SF3B3: variants seen among roughly 807,000 people sequenced by gnomAD.
The protein encoded by SF3B3 is SAP 130.
Under a neutral mutation model 139.2 loss-of-function variants are expected in SF3B3, and 33 were observed. The observed-to-expected ratio is 0.24, with a 90% CI of 0.18 to 0.32. SF3B3 has a LOEUF of 0.32. SF3B3 is among the 10% of genes least tolerant of loss of function. The pLI, the probability that SF3B3 is intolerant of heterozygous loss-of-function variation, is 1.00. For missense variants in SF3B3, 818 were observed against 1,509.4 expected (o/e 0.54, Z 7.59); for synonymous variants, 596 against 563.6 (o/e 1.06, Z -0.81).
At chr16:70,554,965 T>C in intron 12 of SF3B3, 86 bp from the exon 13 acceptor site, 2 of 1,342,278 alleles carry the variant, frequency 1.5e-6, no homozygotes, top group Non-Finnish European at 2.1e-6. Flanking sequence ...GGTCTGATTT[T>C]AGTGACAGAT....
intron 11 of SF3B3, 106 bp from the exon 12 acceptor site, chr16:70,554,340 A>G: frequency 9.4e-7 from 1 of 1,065,840 alleles, no homozygotes; most frequent in African/African-American, 1.6e-5. Context: ...AACTACACAT[A>G]GAAGAACTGC....
intron 2 of SF3B3, chr16:70,526,990 A>G (rs541741055): frequency 3.5e-5 from 19 of 541,106 alleles, no homozygotes; most frequent in South Asian, 2.6e-4. Flanking sequence ...TCGTGTGCCT[A>G]TTGCTGTAAG....
chr16:70,532,274 G>A (rs1321865595), intron 4 of SF3B3, among the ~76,000 whole-genome samples: 6 of 143,764 alleles, frequency 4.2e-5, no homozygotes, highest in South Asian at 2.2e-4. Context: ...CCTGGGCAAC[G>A]AGCAAAACTC....
chr16:70,528,470 T>G (rs9939548), intron 2 of SF3B3, among the ~76,000 whole-genome samples: 5 of 120,552 alleles, frequency 4.1e-5, no homozygotes, highest in African/African-American at 3.3e-4. Context: ...TGGCCTTTTT[T>G]TTTTTTTTTT....
chr16:70,549,525 C>T (rs2050301344), intron 11 of SF3B3, among the ~76,000 whole-genome samples: 1 of 152,132 alleles, frequency 6.6e-6, no homozygotes, highest in South Asian at 2.1e-4. Context: ...ATATTCATGG[C>T]CCTTGAAAGC....
At chr16:70,556,411 C>A (rs1279956944) in intron 14 of SF3B3, 77 bp downstream of exon 14, 2 of 1,504,648 alleles carry the variant, frequency 1.3e-6, no homozygotes, top group African/African-American at 1.4e-5. Context: ...TCTCTGAGAT[C>A]CACTCCTGAT....
intron 8 of SF3B3, among the ~76,000 whole-genome samples, chr16:70,541,088 A>G (rs1025838255): frequency 2.0e-5 from 3 of 152,230 alleles, no homozygotes; most frequent in African/African-American, 7.2e-5. Flanking sequence ...CAGTTTCTCC[A>G]CATCCTTGCC....
At chr16:70,560,882 C>A (rs1271470105) in intron 16 of SF3B3, among the ~76,000 whole-genome samples, 1 of 152,188 alleles carries the variant, frequency 6.6e-6, no homozygotes, top group East Asian at 1.9e-4. Context: ...CATGAGAATT[C>A]TCAGGTTTTA....
intron 3 of SF3B3, among the ~76,000 whole-genome samples, chr16:70,530,131 T>TAAATAA (rs761371738): frequency 4.6e-5 from 1 of 21,924 alleles, no homozygotes; most frequent in African/African-American, 7.4e-5. Flanking sequence ...ATCTCAAAAA[T>TAAATAA]AAATAAATAA....
Position 70,560,610 on chromosome 16 carries a change from G to A in SF3B3, c.2133+19G>A, listed in dbSNP as rs761315207. On this transcript the variant is annotated intron_variant, in intron 16 of 25. Transcript: ENST00000302516. ...GGAGGCAGTAAGTAATGAAGGTTGG[G>A]GACAGGCAACATCTTTGGGATTTTA... The A allele has an allele frequency of 6.2e-7, 1 of 1,611,628 alleles. No individual in the cohort carries two copies. Among genetic ancestry groups the A allele is most frequent in the African/African-American group, 1.3e-5 (1 of 74,862 alleles).
intron 11 of SF3B3, chr16:70,550,716 T>G: frequency 1.0e-6 from 1 of 973,574 alleles, no homozygotes. Context: ...TGGGGTCTTA[T>G]AGTTTATCCA....
intron 16 of SF3B3, 78 bp downstream of exon 16, chr16:70,560,669 C>A: frequency 6.6e-7 from 1 of 1,512,132 alleles, no homozygotes; most frequent in Non-Finnish European, 9.1e-7. Flanking sequence ...TTGCTGTAAG[C>A]TTCACTGTCA....
At chr16:70,566,379 G>T (rs559722307) in intron 20 of SF3B3, among the ~76,000 whole-genome samples, 4 of 151,976 alleles carry the variant, frequency 2.6e-5, no homozygotes, top group Non-Finnish European at 4.4e-5. Flanking sequence ...TCTGGTCAAC[G>T]TGGTGAAATC....
At chr16:70,538,500 A>G in intron 7 of SF3B3, 40 bp downstream of exon 7, 1 of 1,545,224 alleles carries the variant, frequency 6.5e-7, no homozygotes, top group East Asian at 2.3e-5. Flanking sequence ...CTACTCTATG[A>G]GATGAGATAG....
intron 2 of SF3B3, among the ~76,000 whole-genome samples, chr16:70,527,831 A>C (rs1293435825): frequency 6.6e-6 from 1 of 152,152 alleles, no homozygotes. Flanking sequence ...GCTGGAGCGC[A>C]GTGGTGTGAT....
intron 5 of SF3B3, among the ~76,000 whole-genome samples, chr16:70,534,382 G>C (rs959624763): frequency 1.3e-5 from 2 of 152,216 alleles, no homozygotes; most frequent in African/African-American, 4.8e-5. Flanking sequence ...CTGATAGGTT[G>C]ACAACCTTAG....
In SF3B3 at chr16:70,573,185, G is replaced by A. The variant is rs2050546058; in HGVS notation, c.*1372G>A. ...AGAGACCCAGGTTTTGCCAGGAATC[G>A]AATCCCTAAATAACATGTTTTTTTC... On this transcript the variant is annotated 3_prime_UTR_variant, in exon 26 of 26. Transcript: ENST00000302516. 6.6e-6 allele frequency: 1 copy of A among 152,146 alleles called. No homozygotes were observed. The highest frequency in any genetic ancestry group is 1.5e-5 in the Non-Finnish European group (1 of 68,016). The allele number at this position is 152,146 out of a possible 1,614,324, so 9.4% of individuals were successfully genotyped here.
In SF3B3 at chr16:70,539,100, C is replaced by T; in HGVS notation, c.964-4C>T. The T allele has an allele frequency of 6.2e-7, 1 of 1,604,530 alleles. No homozygotes were observed. The highest frequency in any genetic ancestry group is 8.5e-7 in the Non-Finnish European group (1 of 1,171,226). On this transcript the variant is annotated splice_region_variant and splice_polypyrimidine_tract_variant and intron_variant, in intron 7 of 25. Coordinates refer to ENST00000302516, the MANE Select transcript of SF3B3 (RefSeq NM_012426.5). ...GTACACCAGAATGTTTCTTTTCTCACCAGGTTACTGAGATCCGGCTCAAAT... is the reference window on the plus strand; with the variant it reads ...GTACACCAGAATGTTTCTTTTCTCATCAGGTTACTGAGATCCGGCTCAAAT...
At chr16:70,553,099 T>A (rs2050342992) in intron 11 of SF3B3, among the ~76,000 whole-genome samples, 1 of 152,160 alleles carries the variant, frequency 6.6e-6, no homozygotes, top group African/African-American at 2.4e-5. Context: ...TTATTTATTT[T>A]TTAGTAGAGA....
Sources: allele counts gnomAD v4.1 joint callset (sites outside exome capture counted in the v4.1 genomes callset), GRCh38; gene constraint gnomAD v4.1.1; transcripts MANE v1.5; gene names NCBI Gene and HGNC (gene_info 2026-07-23, HGNC 2026-07-21).